The following HCN2 variants were observed in gnomAD, a reference collection of about 807,000 sequenced individuals.
HCN2 encodes potassium/sodium hyperpolarization-activated cyclic nucleotide-gated channel 2.
In HCN2, 20 loss-of-function variants were observed where a neutral mutation model predicts 52.3. The ratio of observed to expected loss-of-function variants is 0.38; its 90% CI spans 0.27 to 0.56. The LOEUF (loss-of-function observed/expected upper bound fraction) is 0.56, where lower values mean the gene tolerates loss of function less well. Ranked by LOEUF, HCN2 falls within the 20% of genes least tolerant of loss-of-function variation. The probability of loss-of-function intolerance (pLI) is 0.71; values close to 1 mark genes in which losing one functional copy is unlikely to be tolerated. For synonymous variants in HCN2, 694 were observed against 537.0 expected, an observed-to-expected ratio of 1.29 and a Z score of -4.04; for missense variants, 981 against 1,207.7, an observed-to-expected ratio of 0.81 and a Z score of 2.78.
intron 5 of HCN2, among the ~76,000 whole-genome samples, chr19:611,333 G>A (rs1195189303): frequency 6.6e-6 from 1 of 152,346 alleles, no homozygotes; most frequent in Admixed American, 6.5e-5. Flanking sequence ...AGGCAGCAGA[G>A]AGCAGCTCTG....
intron 2 of HCN2, among the ~76,000 whole-genome samples, chr19:604,805 A>AGACATCAG (rs1167211159): frequency 1.1e-4 from 5 of 44,482 alleles, no homozygotes; most frequent in Admixed American, 1.1e-3. Flanking sequence ...GGGGTGTCCT[A>AGACATCAG]GGGCGGGGGC....
Position 589,917 on chromosome 19 carries a change from C to G in HCN2, c.-29C>G, listed in dbSNP as rs1254367399. ...CGGCCGGCGGCGGCGGCGGCGGCTC[C>G]GCTCCGCACTGCCCGGCGCCGCCTC... On this transcript the variant is annotated 5_prime_UTR_variant, in exon 1 of 8. Coordinates refer to ENST00000251287, the MANE Select transcript of HCN2 (RefSeq NM_001194.4). The G allele has an allele frequency of 2.2e-6, 2 of 901,812 alleles. No homozygotes were observed. The highest frequency in any genetic ancestry group is 2.6e-6 in the Non-Finnish European group (2 of 766,436). The allele number at this position is 901,812 out of a possible 1,614,324, so 55.9% of individuals were successfully genotyped here. A position where few individuals can be genotyped will look rare whatever the true frequency, so the allele number is the denominator to read the frequency against.
chr19:612,587 G>A (rs1031263449), intron 5 of HCN2, among the ~76,000 whole-genome samples: 1 of 151,998 alleles, frequency 6.6e-6, no homozygotes, highest in African/African-American at 2.4e-5. Flanking sequence ...CTAATTTTTT[G>A]TATTTTTAGT....
Position 589,890 on chromosome 19 carries a change from T to A in HCN2, c.-56T>A. 1 of 615,882 alleles carries A rather than the reference T, an allele frequency of 1.6e-6. No individual in the cohort carries two copies. The highest frequency in any genetic ancestry group is 1.9e-6 in the Non-Finnish European group (1 of 513,000). The allele number at this position is 615,882 out of a possible 1,614,324, so 38.2% of individuals were successfully genotyped here. A position where few individuals can be genotyped will look rare whatever the true frequency, so the allele number is the denominator to read the frequency against. On this transcript the variant is annotated 5_prime_UTR_variant, in exon 1 of 8. Coordinates refer to ENST00000251287, the MANE Select transcript of HCN2 (RefSeq NM_001194.4). The stretch of plus-strand genomic sequence containing the variant: ...CCCCCGCCTCCCCCCTCCCTCGGGC[T>A]CCGGCCGGCGGCGGCGGCGGCGGCT...
At position 590,729 on chromosome 19, in the gene HCN2, C is replaced by CT; in HGVS notation, c.632+152_632+153insT. 1 of 482,906 alleles carries CT rather than the reference C, an allele frequency of 2.1e-6. No homozygotes were observed. Among genetic ancestry groups the CT allele is most frequent in the Non-Finnish European group, 3.1e-6 (1 of 320,020 alleles). 29.9% of individuals were successfully genotyped at this position (482,906 alleles called of 1,614,324 possible). A position where few individuals can be genotyped will look rare whatever the true frequency, so the allele number is the denominator to read the frequency against. On this transcript the variant is annotated intron_variant, in intron 1 of 7. Coordinates refer to ENST00000251287, the MANE Select transcript of HCN2 (RefSeq NM_001194.4). This position sits in a 1 kb window ranked among gnomAD's most constrained non-coding sequence, Gnocchi z 7.2. ...TGACCTCGGGCGTGTCCGGGACCCG[C>CT]CCCGGAGTGACCCCGGCGCGCGAGG...
chr19:615,422 G>GA (rs1287791154), intron 7 of HCN2, among the ~76,000 whole-genome samples: 3 of 152,228 alleles, frequency 2.0e-5, no homozygotes, highest in Non-Finnish European at 1.5e-5. Flanking sequence ...GATGAGGCAG[G>GA]AGAATGGTGT....
intron 1 of HCN2, among the ~76,000 whole-genome samples, chr19:594,863 C>T (rs759541146): frequency 1.6e-4 from 24 of 152,088 alleles, no homozygotes; most frequent in Non-Finnish European, 3.4e-4. Context: ...TGGCCAAGGC[C>T]TCCCCGCTCT....
chr19:598,736 G>C (rs1045283126), intron 1 of HCN2, among the ~76,000 whole-genome samples: 9 of 152,232 alleles, frequency 5.9e-5, no homozygotes, highest in Non-Finnish European at 1.3e-4. Flanking sequence ...CGAGTAGCTG[G>C]GCCTACAGGC....
intron 5 of HCN2, 92 bp downstream of exon 5, chr19:610,497 G>A (rs1389089261): frequency 1.9e-5 from 22 of 1,152,800 alleles, no homozygotes; most frequent in South Asian, 9.4e-5. Flanking sequence ...TGAGGGAGGC[G>A]AGGTGCCTAG....
chr19:615,845 G>A lies in HCN2; in HGVS notation c.2041G>A (p.Gly681Ser). The A allele has an allele frequency of 6.2e-7, 1 of 1,612,872 alleles. No individual in the cohort carries two copies. The change falls in exon 8 of 8, where the codon GGC (glycine) becomes AGC (serine). Residue 681 changes from glycine to serine, a missense_variant. Transcript: ENST00000251287. ...LHKVQHDLNS[G>S]VFNNQENAII... ...CAAGGTGCAGCATGACCTCAACTCGGGCGTATTCAACAACCAGGAGAACGC... is the reference window on the plus strand; with the variant it reads ...CAAGGTGCAGCATGACCTCAACTCGAGCGTATTCAACAACCAGGAGAACGC...
chr19:598,860 A>C (rs1360720718), intron 1 of HCN2, among the ~76,000 whole-genome samples: 1 of 152,214 alleles, frequency 6.6e-6, no homozygotes, highest in Non-Finnish European at 1.5e-5. Flanking sequence ...TGCCCGCCTC[A>C]GCCTCCTTAA....
At position 614,015 on chromosome 19, in the gene HCN2, C is replaced by A. The variant is rs147575578; in HGVS notation, c.1989C>A (p.Ile663=). ...ETVAIDRLDR[I]GKKNSILLHK... is the part of the protein sequence containing the mutation. The stretch of plus-strand genomic sequence containing the variant: ...TGGCCATCGACCGCCTGGACCGCAT[C>A]GGTGAGCGGGCCGGGGGCGTGGCCG... The change falls in exon 7 of 8, where the codon ATC becomes ATA. Residue 663 remains isoleucine, a splice_region_variant and synonymous_variant. Coordinates refer to ENST00000251287, the MANE Select transcript of HCN2 (RefSeq NM_001194.4). The A allele has an allele frequency of 6.8e-5, 71 of 1,042,960 alleles. No homozygotes were observed. The highest frequency in any genetic ancestry group is 1.4e-4 in the Admixed American group (6 of 42,576). 64.6% of individuals were successfully genotyped at this position (1,042,960 alleles called of 1,614,324 possible). A position where few individuals can be genotyped will look rare whatever the true frequency, so the allele number is the denominator to read the frequency against.
intron 1 of HCN2, among the ~76,000 whole-genome samples, chr19:599,006 G>C (rs1258534505): frequency 6.6e-6 from 1 of 152,182 alleles, no homozygotes. Context: ...GTGGATGCTT[G>C]GAAGAAGAGA....
chr19:616,232 G>T lies in HCN2; in HGVS notation c.2428G>T (p.Ala810Ser), dbSNP rs1223593610. ...AAPLAGPALP[A>S]RRLSRASRPL... is the part of the protein sequence containing the mutation. Reference sequence around the variant, plus strand: ...CCCCCTTGCTGGGCCCGCCCTGCCCGCGCGCCGCCTGAGCCGCGCGTCGCG... The same window carrying T: ...CCCCCTTGCTGGGCCCGCCCTGCCCTCGCGCCGCCTGAGCCGCGCGTCGCG... The change falls in exon 8 of 8, where the codon GCG becomes TCG. Residue 810 changes from alanine to serine, a missense_variant. Around this residue, in one of 6 missense-constraint regions of HCN2, gnomAD observed 368 missense variants for 314.8 expected, o/e 1.17. Coordinates refer to ENST00000251287, the MANE Select transcript of HCN2 (RefSeq NM_001194.4). 2 of 990,574 alleles carry T rather than the reference G, an allele frequency of 2.0e-6. No homozygotes were observed. Among genetic ancestry groups the T allele is most frequent in the Non-Finnish European group, 2.4e-6 (2 of 837,462 alleles). The allele number at this position is 990,574 out of a possible 1,614,324, so 61.4% of individuals were successfully genotyped here.
At chr19:598,923 C>G (rs1482437658) in intron 1 of HCN2, among the ~76,000 whole-genome samples, 1 of 152,172 alleles carries the variant, frequency 6.6e-6, no homozygotes, top group Admixed American at 6.5e-5. Flanking sequence ...CAGCCCTTCT[C>G]TAGGTTTTAT....
rs781740432 is a variant in HCN2 at position 603,613 on chromosome 19, C to A, written c.702C>A (p.Thr234=). Residue 234 remains threonine, a synonymous_variant, in exon 2 of 8, where the codon ACC becomes ACA. Transcript: ENST00000251287. The part of the protein sequence containing the change: ...GNLIIIPVGI[T]FFKDETTAPW... The stretch of plus-strand genomic sequence containing the variant: ...TCATCATCATCCCAGTGGGCATCAC[C>A]TTCTTCAAGGATGAGACCACTGCCC... The A allele has an allele frequency of 6.2e-7, 1 of 1,612,064 alleles. No individual in the cohort carries two copies. Among genetic ancestry groups the A allele is most frequent in the Non-Finnish European group, 8.5e-7 (1 of 1,179,344 alleles).
rs12976859 is a variant in HCN2 at position 604,743 on chromosome 19, G to T, written c.1057-318G>T. On this transcript the variant is annotated intron_variant, in intron 2 of 7. Transcript: ENST00000251287. ...CCAGACATCAGGGGTGGGGATATGA[G>T]GGTTGTGCTGGGGCGGTGTCAGACA... 2.7e-3 allele frequency among the ~76,000 whole-genome samples: 297 copies of T among 108,652 alleles called. 7 individuals carry two copies. The highest frequency in any genetic ancestry group is 0.01 in the African/African-American group (241 of 24,062). 71.3% of individuals were successfully genotyped at this position (108,652 alleles called of 152,430 possible). A position where few individuals can be genotyped will look rare whatever the true frequency, so the allele number is the denominator to read the frequency against.
At chr19:613,610 G>GGGCCGA (rs1983750130) in intron 6 of HCN2, 122 bp downstream of exon 6, 1 of 108,742 alleles carries the variant, frequency 9.2e-6, no homozygotes, top group African/African-American at 1.4e-4. Context: ...GATGGGGCCG[G>GGGCCGA]GGATGGGGAT....
rs1011417766 is a variant in HCN2 at position 591,615 on chromosome 19, G to A, written c.632+1038G>A. 2.0e-5 allele frequency among the ~76,000 whole-genome samples: 3 copies of A among 152,000 alleles called. No individual in the cohort carries two copies. Among genetic ancestry groups the A allele is most frequent in the South Asian group, 2.1e-4 (1 of 4,832 alleles). ...TGGGGTGTGGAGGGTGCAGGTGGAG[G>A]GTGTAGGTGGGGCCCGCCGGGCTAG... On this transcript the variant is annotated intron_variant, in intron 1 of 7. Coordinates refer to ENST00000251287, the MANE Select transcript of HCN2 (RefSeq NM_001194.4). This position sits in a 1 kb window ranked among gnomAD's most constrained non-coding sequence, Gnocchi z 4.1.
Sources: gnomAD v4.1 joint callset for allele counts (sites outside exome capture counted in the v4.1 genomes callset) on GRCh38, gnomAD v4.1.1 for gene constraint, gnomAD v4.1.1 regional missense constraint, Gnocchi (gnomAD v3.1) non-coding constraint, MANE v1.5 for transcripts, NCBI Gene and HGNC (gene_info 2026-07-23, HGNC 2026-07-21) for gene names.